Variants in SYN3 observed in about 807,000 individuals in gnomAD.
SYN3 encodes synapsin III.
SYN3 carries 35 observed loss-of-function variants against 65.8 expected under a neutral mutation model. The ratio of observed to expected loss-of-function variants is 0.53; its 90% CI spans 0.41 to 0.70. SYN3 has a LOEUF of 0.70. Among genes scored for constraint, SYN3 ranks in the 30% least tolerant of loss-of-function variants. SYN3 has a pLI of 0.00. For synonymous variants in SYN3, 270 were observed against 292.9 expected, an observed-to-expected ratio of 0.92 and a Z score of 0.80; for missense variants, 680 against 749.0, an observed-to-expected ratio of 0.91 and a Z score of 1.08.
At chr22:32,630,965 C>T (rs1359242558) in intron 6 of SYN3, among the ~76,000 whole-genome samples, 1 of 152,162 alleles carries the variant, frequency 6.6e-6, no homozygotes, top group Non-Finnish European at 1.5e-5. Context: ...GGATTCCAAC[C>T]CTAATGCTAA....
chr22:32,693,389 T>G (rs1013809662), intron 6 of SYN3, among the ~76,000 whole-genome samples: 1 of 152,078 alleles, frequency 6.6e-6, no homozygotes, highest in African/African-American at 2.4e-5. Context: ...AGGACGAGAT[T>G]TCGTCGTGCT....
At chr22:32,976,724 A>G (rs2052201118) in intron 3 of SYN3, among the ~76,000 whole-genome samples, 1 of 152,156 alleles carries the variant, frequency 6.6e-6, no homozygotes, top group African/African-American at 2.4e-5. Context: ...GGGCCTCCCC[A>G]GGGTTTCTTG....
At chr22:32,617,577 G>C (rs940274358) in intron 6 of SYN3, among the ~76,000 whole-genome samples, 2 of 151,938 alleles carry the variant, frequency 1.3e-5, no homozygotes, top group African/African-American at 4.8e-5. Context: ...ATGGGGAAGC[G>C]GGGTGGGACC....
At chr22:32,841,905 G>A (rs557831780) in intron 6 of SYN3, among the ~76,000 whole-genome samples, 3 of 152,266 alleles carry the variant, frequency 2.0e-5, no homozygotes, top group East Asian at 1.9e-4. Context: ...TGGCAAAAGC[G>A]TGGGAGCTGT....
At chr22:32,776,014 G>T (rs762227054) in intron 6 of SYN3, among the ~76,000 whole-genome samples, 1 of 152,140 alleles carries the variant, frequency 6.6e-6, no homozygotes, top group South Asian at 2.1e-4. Flanking sequence ...CCCTAAATAC[G>T]ATCACGTGTA....
intron 6 of SYN3, among the ~76,000 whole-genome samples, chr22:32,633,352 G>A (rs902069903): frequency 4.6e-5 from 7 of 152,184 alleles, no homozygotes; most frequent in Non-Finnish European, 1.0e-4. Context: ...TTAAGTGGCA[G>A]AGCCCCTGGG....
At chr22:32,770,878 T>TGTTCAATTAACACATATGC (rs2045750147) in intron 6 of SYN3, among the ~76,000 whole-genome samples, 1 of 152,020 alleles carries the variant, frequency 6.6e-6, no homozygotes, top group Admixed American at 6.5e-5. Context: ...AACACATATG[T>TGTTCAATTAACACATATGC]GTTCAGTTAT....
chr22:33,019,732 G>A (rs1374225227), intron 1 of SYN3, among the ~76,000 whole-genome samples: 2 of 152,010 alleles, frequency 1.3e-5, no homozygotes, highest in African/African-American at 2.4e-5. Flanking sequence ...GCATCCTCCC[G>A]CCTCAGCCCC....
intron 1 of SYN3, among the ~76,000 whole-genome samples, chr22:33,056,384 G>C (rs1047139639): frequency 2.6e-5 from 4 of 152,146 alleles, no homozygotes; most frequent in African/African-American, 9.7e-5. Context: ...CCCCCTCCAA[G>C]ACCAAGACAC....
chr22:32,941,219 A>C (rs2050928447), intron 3 of SYN3, among the ~76,000 whole-genome samples: 1 of 152,200 alleles, frequency 6.6e-6, no homozygotes, highest in Non-Finnish European at 1.5e-5. Context: ...AAGCACATCT[A>C]TTCTTTTAGA....
At position 32,537,980 on chromosome 22, in the gene SYN3, C is replaced by A. The variant is rs1439527796; in HGVS notation, c.992+56G>T. On this transcript the variant is annotated intron_variant, in intron 9 of 13. Coordinates refer to ENST00000358763, the MANE Select transcript of SYN3 (RefSeq NM_003490.4). Reference sequence around the variant, plus strand: ...CTCTTCAGGGCCTTTTGTTGCATTCCCCCTTCAGCTCCTACTATGGCCAGT... The same window carrying A: ...CTCTTCAGGGCCTTTTGTTGCATTCACCCTTCAGCTCCTACTATGGCCAGT... 4 of 1,524,064 alleles carry A rather than the reference C, an allele frequency of 2.6e-6. No homozygotes were observed. The Admixed American group carries it at 6.7e-5, about 26-fold the overall frequency. 94.4% of individuals were successfully genotyped at this position (1,524,064 alleles called of 1,614,324 possible). A position where few individuals can be genotyped will look rare whatever the true frequency, so the allele number is the denominator to read the frequency against.
chr22:32,564,369 C>A (rs912347447), intron 7 of SYN3, among the ~76,000 whole-genome samples: 17 of 152,200 alleles, frequency 1.1e-4, no homozygotes, highest in South Asian at 6.2e-4. Context: ...GGGAATCTGG[C>A]TTCGCAGCTC....
At chr22:32,645,648 C>T (rs1264848383) in intron 6 of SYN3, among the ~76,000 whole-genome samples, 1 of 152,216 alleles carries the variant, frequency 6.6e-6, no homozygotes, top group African/African-American at 2.4e-5. Context: ...TGAGACCCTT[C>T]TCCATTTGAG....
intron 6 of SYN3, among the ~76,000 whole-genome samples, chr22:32,829,180 C>T (rs893954471): frequency 5.3e-5 from 8 of 152,186 alleles, no homozygotes; most frequent in African/African-American, 1.9e-4. Context: ...CATCCCATTG[C>T]CGGCTTTAGT....
intron 1 of SYN3, among the ~76,000 whole-genome samples, chr22:33,052,438 G>C (rs773755488): frequency 6.6e-6 from 1 of 151,898 alleles, no homozygotes; most frequent in African/African-American, 2.4e-5. Context: ...CTCCTCCTCC[G>C]TAGTACTACG....
rs2047770896 is a variant in SYN3, at chr22:32,837,551, T to G, written c.711+27364A>C. On this transcript the variant is annotated intron_variant, in intron 6 of 13. Coordinates refer to ENST00000358763, the MANE Select transcript of SYN3 (RefSeq NM_003490.4). This position sits in a 1 kb window ranked among gnomAD's most constrained non-coding sequence, Gnocchi z 4.1. ...GGGTACGGCGGGAGACAGAGATGCA[T>G]GAAATACTAACGTTGAAGATTAGAA... Among the ~76,000 whole-genome samples, 1 of 151,910 alleles carries G rather than the reference T, an allele frequency of 6.6e-6. No individual in the cohort carries two copies. The highest frequency in any genetic ancestry group is 6.6e-5 in the Admixed American group (1 of 15,266).
At chr22:32,778,009 G>C (rs184801325) in intron 6 of SYN3, among the ~76,000 whole-genome samples, 25 of 152,274 alleles carry the variant, frequency 1.6e-4, no homozygotes, top group Admixed American at 1.0e-3. Context: ...TATTGCTAAG[G>C]AGGCCCCTAC....
In SYN3 at chr22:32,837,213, G is replaced by A. The variant is rs142287802; in HGVS notation, c.711+27702C>T. ...AGGGCATGGTATTTTTCTGGGCACTGCTTCAAAGGGGCTGTGGTTGAAGAC... is the reference window on the plus strand; with the variant it reads ...AGGGCATGGTATTTTTCTGGGCACTACTTCAAAGGGGCTGTGGTTGAAGAC... On this transcript the variant is annotated intron_variant, in intron 6 of 13. Transcript: ENST00000358763. The surrounding 1 kb of genome is among the most constrained non-coding windows in gnomAD (Gnocchi z 4.1). Among the ~76,000 whole-genome samples, 1,371 of 152,330 alleles carry A rather than the reference G, an allele frequency of 9.0e-3. 16 individuals carry two copies. Among genetic ancestry groups the A allele is most frequent in the Middle Eastern group, 0.041 (12 of 294 alleles).
At chr22:32,946,166 G>A (rs113511837) in intron 3 of SYN3, among the ~76,000 whole-genome samples, 12 of 152,076 alleles carry the variant, frequency 7.9e-5, no homozygotes, top group South Asian at 2.1e-4. Flanking sequence ...TAGAAATACC[G>A]TTTGACCCAG....
Sources: allele counts gnomAD v4.1 joint callset (sites outside exome capture counted in the v4.1 genomes callset), GRCh38; gene constraint gnomAD v4.1.1; non-coding constraint Gnocchi (gnomAD v3.1); transcripts MANE v1.5; gene names NCBI Gene and HGNC (gene_info 2026-07-23, HGNC 2026-07-21).